Variants in NODAL observed in about 807,000 individuals in gnomAD.
NODAL encodes the protein nodal homolog.
A neutral mutation model predicts 34.0 loss-of-function variants in NODAL; 12 were observed. The observed-to-expected ratio is 0.35, with a 90% CI of 0.23 to 0.57. The LOEUF (loss-of-function observed/expected upper bound fraction) is 0.57. NODAL is among the 20% of genes least tolerant of loss of function. NODAL has a pLI of 0.83. For synonymous variants in NODAL, 162 were observed against 186.4 expected (o/e 0.87, Z 1.07); for missense variants, 390 against 444.2 (o/e 0.88, Z 1.10).
At position 70,435,474 on chromosome 10, in the gene NODAL, G is replaced by A; in HGVS notation, c.703C>T (p.His235Tyr). Residue 235 changes from histidine (H) to tyrosine (Y), a missense_variant, in exon 2 of 3, where the codon CAC becomes TAC. Coordinates refer to ENST00000287139, the MANE Select transcript of NODAL (RefSeq NM_018055.5). ...CTGTCTGGCAAGTGATGTCGACGGTGCCTCTTGCCCCACTCCCAGGACAGC... is the reference window on the plus strand; with the variant it reads ...CTGTCTGGCAAGTGATGTCGACGGTACCTCTTGCCCCACTCCCAGGACAGC... ...GQLSWEWGKRHRRHHLPDRSQ... is the reference protein window; with the variant it reads ...GQLSWEWGKRYRRHHLPDRSQ... The A allele has an allele frequency of 6.2e-7, 1 of 1,614,164 alleles. No homozygotes were observed. The highest frequency in any genetic ancestry group is 8.5e-7 in the Non-Finnish European group (1 of 1,180,038).
intron 1 of NODAL, among the ~76,000 whole-genome samples, chr10:70,437,348 G>C (rs1845369454): frequency 6.6e-6 from 1 of 152,212 alleles, no homozygotes; most frequent in Admixed American, 6.5e-5. Flanking sequence ...GGCTGAGGCA[G>C]GAGAATTGCT....
intron 1 of NODAL, among the ~76,000 whole-genome samples, chr10:70,447,465 C>T (rs1845500723): frequency 6.6e-6 from 1 of 151,974 alleles, no homozygotes; most frequent in Admixed American, 6.6e-5. Context: ...ATGGAAGGAT[C>T]GATTGAGACC....
chr10:70,435,094 C>A, intron 2 of NODAL, 192 bp downstream of exon 2: 1 of 608,624 alleles, frequency 1.6e-6, no homozygotes, highest in Non-Finnish European at 2.9e-6. Flanking sequence ...GACGCATGAC[C>A]CCATACAGGC....
upstream of NODAL, among the ~76,000 whole-genome samples, chr10:70,444,329 CTT>C (rs34924993): frequency 0.017 from 2,061 of 124,134 alleles, 32 homozygotes; most frequent in African/African-American, 0.038. Context: ...TCCAGTGATA[CTT>C]TTTTTTTTTT....
intron 1 of NODAL, chr10:70,436,243 G>A (rs1265606736): frequency 1.9e-6 from 1 of 522,390 alleles, no homozygotes; most frequent in Non-Finnish European, 3.5e-6. Context: ...ACCTGGATTT[G>A]CCCAACTGCC....
chr10:70,432,160 TTGAG>T lies in NODAL; in HGVS notation c.*772_*775del, dbSNP rs1183858566. Among the ~76,000 whole-genome samples the T allele has an allele frequency of 6.6e-6, 1 of 152,196 alleles. No homozygotes were observed. Among genetic ancestry groups the T allele is most frequent in the Non-Finnish European group, 1.5e-5 (1 of 68,034 alleles). On this transcript the variant is annotated 3_prime_UTR_variant, in exon 3 of 3. Transcript: ENST00000287139. ...TCAGAGGCCTCATTAATAGCACACA[TTGAG>T]AGACTGAGGTGGATTGTCACCAACT...
At chr10:70,435,123 TCGG>T (rs1401969288) in intron 2 of NODAL, 160 bp downstream of exon 2, 6 of 658,928 alleles carry the variant, frequency 9.1e-6, no homozygotes, top group Admixed American at 2.4e-5. Context: ...GATGTTACAC[TCGG>T]TCATCTCTAC....
chr10:70,446,872 T>TTACTTC (rs1845493257), intron 1 of NODAL, among the ~76,000 whole-genome samples: 2 of 152,252 alleles, frequency 1.3e-5, no homozygotes, highest in Non-Finnish European at 2.9e-5. Flanking sequence ...AAGTATTTGC[T>TTACTTC]AAGTGATTGA....
At position 70,434,231 on chromosome 10, in the gene NODAL, C is replaced by T. The variant is rs146624595; in HGVS notation, c.891+1055G>A. ...GCAGGGCCACCTATAACATCAGATCCACCATATTAGGTTATATTTTCTGTT... is the reference window on the plus strand; with the variant it reads ...GCAGGGCCACCTATAACATCAGATCTACCATATTAGGTTATATTTTCTGTT... On this transcript the variant is annotated intron_variant, in intron 2 of 2. Transcript: ENST00000287139. 1.0e-3 allele frequency among the ~76,000 whole-genome samples: 155 copies of T among 152,264 alleles called. 4 individuals carry two copies. The East Asian group carries it at 0.029, about 28-fold the overall frequency.
upstream of NODAL, among the ~76,000 whole-genome samples, chr10:70,445,548 G>A (rs1294854323): frequency 6.6e-6 from 1 of 152,220 alleles, no homozygotes; most frequent in African/African-American, 2.4e-5. Flanking sequence ...ATGAGCCACC[G>A]CGCCTGGCCG....
At chr10:70,437,897 G>T (rs1845376796) in intron 1 of NODAL, among the ~76,000 whole-genome samples, 1 of 152,144 alleles carries the variant, frequency 6.6e-6, no homozygotes, top group Admixed American at 6.5e-5. Flanking sequence ...ACCGGCCCCT[G>T]ACTAGCAGCT....
At chr10:70,442,255 C>A (rs138317246), upstream of NODAL, among the ~76,000 whole-genome samples, 1 of 152,218 alleles carries the variant, frequency 6.6e-6, no homozygotes, top group Non-Finnish European at 1.5e-5. Context: ...CAGGAGGGAC[C>A]AGGACGATGA....
intron 1 of NODAL, 195 bp from the exon 2 acceptor site, chr10:70,436,178 G>C (rs75081038): frequency 5.2e-4 from 329 of 627,674 alleles, no homozygotes; most frequent in Non-Finnish European, 6.4e-4. Context: ...GGCTCAGTGT[G>C]GTTAAAAGAT....
chr10:70,447,636 G>A (rs915042266), intron 1 of NODAL, among the ~76,000 whole-genome samples: 2 of 150,240 alleles, frequency 1.3e-5, no homozygotes, highest in Non-Finnish European at 3.0e-5. Context: ...ACTCCAGCCT[G>A]GGTGACAGAG....
At chr10:70,441,087 AC>A (rs1845424491) in intron 1 of NODAL, among the ~76,000 whole-genome samples, 1 of 152,218 alleles carries the variant, frequency 6.6e-6, no homozygotes, top group Non-Finnish European at 1.5e-5. Context: ...TATTTATTAC[AC>A]CTATCCTACA....
chr10:70,439,775 AC>A (rs1351029484), intron 1 of NODAL, among the ~76,000 whole-genome samples: 1 of 152,226 alleles, frequency 6.6e-6, no homozygotes, highest in Non-Finnish European at 1.5e-5. Flanking sequence ...ATGCCGCTGT[AC>A]ACTAAAAAAC....
Position 70,432,882 on chromosome 10 carries a change from G to GTCTT in NODAL, c.*53_*54insAAGA. The GTCTT allele has an allele frequency of 6.9e-6, 11 of 1,601,220 alleles. No homozygotes were observed. The highest frequency in any genetic ancestry group is 9.4e-6 in the Non-Finnish European group (11 of 1,168,754). On this transcript the variant is annotated 3_prime_UTR_variant, in exon 3 of 3. Transcript: ENST00000287139. Reference sequence around the variant, plus strand: ...ATTAGATGGTTATCATGTCTTCCAGGAGTTTCCCAGCCTTCCAGAGTGCAG... The same window carrying GTCTT: ...ATTAGATGGTTATCATGTCTTCCAGGTCTTAGTTTCCCAGCCTTCCAGAGTGCAG...
chr10:70,435,959 C>G lies in NODAL; in HGVS notation c.218G>C (p.Trp73Ser). The G allele has an allele frequency of 1.2e-6, 2 of 1,614,160 alleles. No individual in the cohort carries two copies. Among genetic ancestry groups the G allele is most frequent in the Non-Finnish European group, 1.7e-6 (2 of 1,180,030 alleles). ...AEDVAVDGQN[W>S]TFAFDFSFLS... ...GAAGGAGAAGTCAAAAGCAAACGTCCAGTTCTGCCCATCCACTGCCACATC... is the reference window on the plus strand; with the variant it reads ...GAAGGAGAAGTCAAAAGCAAACGTCGAGTTCTGCCCATCCACTGCCACATC... Residue 73 changes from tryptophan (W) to serine (S), a missense_variant, in exon 2 of 3, where the codon TGG becomes TCG. Trp to Ser is a radical substitution (Grantham distance 177). Transcript: ENST00000287139.
intron 2 of NODAL, chr10:70,434,727 G>A (rs969369489): frequency 6.2e-6 from 1 of 161,208 alleles, no homozygotes; most frequent in Non-Finnish European, 1.4e-5. Flanking sequence ...CTGGAACAGT[G>A]TGATTCCAAC....
Sources: gnomAD v4.1 joint callset for allele counts (sites outside exome capture counted in the v4.1 genomes callset) on GRCh38, gnomAD v4.1.1 for gene constraint, MANE v1.5 for transcripts, NCBI Gene and HGNC (gene_info 2026-07-23, HGNC 2026-07-21) for gene names.